The following GRM5 variants were observed in gnomAD, a reference collection of about 807,000 sequenced individuals.
GRM5 encodes glutamate metabotropic receptor 5.
A neutral mutation model predicts 83.1 loss-of-function variants in GRM5; 19 were observed. That is an observed-to-expected ratio of 0.23 (90% CI 0.16 to 0.34). GRM5 has a LOEUF of 0.34. Among genes scored for constraint, GRM5 ranks in the 10% least tolerant of loss-of-function variants. The probability of loss-of-function intolerance (pLI) is 1.00; values close to 1 mark genes in which losing one functional copy is unlikely to be tolerated. For missense variants in GRM5, 1,160 were observed against 1,588.3 expected, an observed-to-expected ratio of 0.73 and a Z score of 4.58; for synonymous variants, 675 against 633.6, an observed-to-expected ratio of 1.07 and a Z score of -0.98.
chr11:88,783,503 T>C (rs1427038990), intron 3 of GRM5, among the ~76,000 whole-genome samples: 1 of 152,108 alleles, frequency 6.6e-6, no homozygotes, highest in African/African-American at 2.4e-5. Flanking sequence ...TTGGAATAAA[T>C]GCAACGACAA....
intron 2 of GRM5, among the ~76,000 whole-genome samples, chr11:88,941,392 AG>A (rs1333493418): frequency 0.012 from 523 of 42,456 alleles, 3 homozygotes; most frequent in South Asian, 0.11. Flanking sequence ...AGAGAGAAAG[AG>A]AAGAGGAGAA....
chr11:89,007,038 C>A (rs1940549920), intron 2 of GRM5, among the ~76,000 whole-genome samples: 1 of 152,190 alleles, frequency 6.6e-6, no homozygotes, highest in African/African-American at 2.4e-5. Flanking sequence ...ACCTCGTGAT[C>A]TGCCCGTCTT....
rs533462929 is a variant in GRM5 at position 88,850,314 on chromosome 11, T to G, written c.662-159A>C. ...GTTTTTGCTCTTTTGCCGAATTGCT[T>G]ATTTTGGGCAAATTACAATTGAACC... is the stretch of plus-strand genomic sequence containing the variant. On this transcript the variant is annotated intron_variant, in intron 2 of 9. Coordinates refer to ENST00000305447, the MANE Select transcript of GRM5 (RefSeq NM_001143831.3). Among the ~76,000 whole-genome samples the G allele has an allele frequency of 2.0e-5, 3 of 152,340 alleles. No homozygotes were observed. In the South Asian group the frequency reaches 6.2e-4, roughly 32 times the overall value.
rs530525585 is a variant in GRM5, at chr11:88,635,744, C to CA, written c.1147+17423dup. Among the ~76,000 whole-genome samples the CA allele has an allele frequency of 1.0e-3, 154 of 152,154 alleles. 2 individuals carry two copies. The South Asian group carries it at 0.017, about 17-fold the overall frequency. ...GCTATGCATTTGGGGTCATACCCCC[C>CA]AAAAAATCATCGTCCAGGCCACTAT... On this transcript the variant is annotated intron_variant, in intron 4 of 9. Coordinates refer to ENST00000305447, the MANE Select transcript of GRM5 (RefSeq NM_001143831.3).
chr11:89,042,729 T>G (rs1467660298), intron 2 of GRM5, among the ~76,000 whole-genome samples: 1 of 152,162 alleles, frequency 6.6e-6, no homozygotes, highest in African/African-American at 2.4e-5. Flanking sequence ...TACTCCCAGT[T>G]TTTAGAAGTC....
intron 3 of GRM5, among the ~76,000 whole-genome samples, chr11:88,716,046 CA>C (rs1941392676): frequency 6.6e-6 from 1 of 151,760 alleles, no homozygotes; most frequent in East Asian, 1.9e-4. Flanking sequence ...AACTTTCTCA[CA>C]AAAATAGGGA....
intron 2 of GRM5, among the ~76,000 whole-genome samples, chr11:88,974,374 G>GAGATATAT (rs1555051732): frequency 4.7e-5 from 7 of 147,710 alleles, no homozygotes; most frequent in Non-Finnish European, 8.9e-5. Flanking sequence ...CCTGGCAATA[G>GAGATATAT]AGATAGATAG....
At chr11:89,011,200 C>CT (rs1335616392) in intron 2 of GRM5, among the ~76,000 whole-genome samples, 4 of 151,840 alleles carry the variant, frequency 2.6e-5, no homozygotes, top group African/African-American at 7.3e-5. Context: ...CTTTCGTTTT[C>CT]TTTTTTTTCT....
intron 4 of GRM5, among the ~76,000 whole-genome samples, chr11:88,638,459 AT>A (rs1470568890): frequency 6.6e-6 from 1 of 151,728 alleles, no homozygotes; most frequent in Non-Finnish European, 1.5e-5. Context: ...TCCATGAGAT[AT>A]TTTCGTCTGG....
chr11:88,994,656 G>A (rs929101906), intron 2 of GRM5, among the ~76,000 whole-genome samples: 9 of 148,210 alleles, frequency 6.1e-5, no homozygotes, highest in Admixed American at 4.7e-4. Context: ...GTGTTCCTGG[G>A]ATGATTTGGA....
intron 3 of GRM5, among the ~76,000 whole-genome samples, chr11:88,716,895 A>T (rs1941411759): frequency 6.6e-6 from 1 of 151,838 alleles, no homozygotes; most frequent in Admixed American, 6.6e-5. Flanking sequence ...AAATTCACTC[A>T]TTTTTTCTAA....
chr11:88,789,605 G>A (rs1943134369), intron 3 of GRM5, among the ~76,000 whole-genome samples: 1 of 151,964 alleles, frequency 6.6e-6, no homozygotes, highest in African/African-American at 2.4e-5. Flanking sequence ...TAGAATGATA[G>A]AAGTCTCTTG....
chr11:88,961,702 C>T (rs1296216708), intron 2 of GRM5, among the ~76,000 whole-genome samples: 1 of 152,154 alleles, frequency 6.6e-6, no homozygotes, highest in African/African-American at 2.4e-5. Flanking sequence ...TGATCCTCTT[C>T]TTTTTCAATT....
chr11:88,955,102 A>ATT (rs1938568609), intron 2 of GRM5, among the ~76,000 whole-genome samples: 1 of 152,212 alleles, frequency 6.6e-6, no homozygotes, highest in Admixed American at 6.5e-5. Flanking sequence ...GGTAACACAA[A>ATT]GCCAACAAGC....
chr11:88,905,742 C>A (rs975194575), intron 2 of GRM5, among the ~76,000 whole-genome samples: 15 of 152,086 alleles, frequency 9.9e-5, no homozygotes, highest in Non-Finnish European at 2.1e-4. Context: ...AGTCTCTCTG[C>A]AAAGCTCATT....
intron 3 of GRM5, among the ~76,000 whole-genome samples, chr11:88,831,756 G>T (rs1311797846): frequency 3.3e-5 from 5 of 152,150 alleles, no homozygotes; most frequent in Non-Finnish European, 7.4e-5. Context: ...AGCTTGGACT[G>T]CTTGGGATCC....
chr11:88,586,831 T>C (rs1943324831), intron 7 of GRM5, among the ~76,000 whole-genome samples: 1 of 152,158 alleles, frequency 6.6e-6, no homozygotes, highest in East Asian at 1.9e-4. Context: ...CACACTCACA[T>C]GTATGCACCT....
At chr11:88,768,573 A>G (rs1382519388) in intron 3 of GRM5, among the ~76,000 whole-genome samples, 2 of 151,968 alleles carry the variant, frequency 1.3e-5, no homozygotes, top group East Asian at 1.9e-4. Flanking sequence ...CCATACACTT[A>G]ACAATGTTGA....
intron 3 of GRM5, among the ~76,000 whole-genome samples, chr11:88,745,624 TTA>T: frequency 6.6e-6 from 1 of 152,308 alleles, no homozygotes; most frequent in East Asian, 1.9e-4. Flanking sequence ...CTTCAAACTT[TTA>T]TGTTTCTTTT....
Sources: gnomAD v4.1 joint callset for allele counts (sites outside exome capture counted in the v4.1 genomes callset) on GRCh38, gnomAD v4.1.1 for gene constraint, MANE v1.5 for transcripts, NCBI Gene and HGNC (gene_info 2026-07-23, HGNC 2026-07-21) for gene names.